Variants in HORMAD1 observed in about 807,000 individuals in gnomAD.
HORMAD1 encodes HORMA domain-containing protein 1.
Under a neutral mutation model 58.2 loss-of-function variants are expected in HORMAD1, and 33 were observed. That is an observed-to-expected ratio of 0.57 (90% CI 0.43 to 0.76). The LOEUF (loss-of-function observed/expected upper bound fraction) is 0.76. Among genes scored for constraint, HORMAD1 ranks in the 30% least tolerant of loss-of-function variants. The pLI is 0.00. For missense variants in HORMAD1, 363 were observed against 462.0 expected (o/e 0.79, Z 1.96); for synonymous variants, 137 against 144.6 (o/e 0.95, Z 0.38).
In HORMAD1 at chr1:150,711,545, C is replaced by T. The variant is rs1185862098; in HGVS notation, c.327G>A (p.Gln109=). ...TCTTTAGTAACTCAAGCACACTTAC[C>T]TGAGGATCTTCTGGGTTTGTGTATA... ...LAVYTNPEDP[Q]TISECYQFKF... is the part of the protein sequence containing the mutation. The change falls in exon 7 of 15, where the codon CAG becomes CAA. Residue 109 remains glutamine (Q), a splice_region_variant and synonymous_variant. Coordinates refer to ENST00000361824, the MANE Select transcript of HORMAD1 (RefSeq NM_032132.5). 1.3e-6 allele frequency: 2 copies of T among 1,599,102 alleles called. No individual in the cohort carries two copies. The highest frequency in any genetic ancestry group is 2.2e-5 in the East Asian group (1 of 44,672).
intron 14 of HORMAD1, among the ~76,000 whole-genome samples, chr1:150,699,548 C>T (rs1032058000): frequency 4.0e-5 from 6 of 150,424 alleles, no homozygotes; most frequent in Admixed American, 2.6e-4. Flanking sequence ...TTTTTAAAGA[C>T]GGAGTCTTGG....
intron 1 of HORMAD1, 32 bp from the exon 2 acceptor site, chr1:150,719,570 G>T: frequency 8.6e-7 from 1 of 1,159,366 alleles, no homozygotes; most frequent in Non-Finnish European, 1.2e-6. Flanking sequence ...TTAACTTAGA[G>T]CTCATTTTTT....
chr1:150,700,297 G>T, intron 13 of HORMAD1, 114 bp from the exon 14 acceptor site: 1 of 618,590 alleles, frequency 1.6e-6, no homozygotes, highest in South Asian at 1.9e-5. Context: ...TACTTTTTAG[G>T]GACAGGGTCT....
At chr1:150,704,593 T>A (rs2101851207) in intron 10 of HORMAD1, among the ~76,000 whole-genome samples, 1 of 152,162 alleles carries the variant, frequency 6.6e-6, no homozygotes, top group African/African-American at 2.4e-5. Flanking sequence ...GAAAAAATTT[T>A]AAAAATTAGC....
chr1:150,706,469 T>C (rs748201379), intron 10 of HORMAD1, 84 bp downstream of exon 10: 24 of 1,125,692 alleles, frequency 2.1e-5, no homozygotes, highest in Admixed American at 1.8e-4. Flanking sequence ...TTTACACAAA[T>C]GTTAATGGGA....
At chr1:150,709,880 T>A (rs1201304886) in intron 7 of HORMAD1, among the ~76,000 whole-genome samples, 2 of 152,248 alleles carry the variant, frequency 1.3e-5, no homozygotes, top group Admixed American at 6.5e-5. Flanking sequence ...GAAACAAATC[T>A]GGCTTACGTG....
Position 150,708,976 on chromosome 1 carries a change from A to T in HORMAD1, c.328-15T>A, listed in dbSNP as rs1263168312. 8.0e-7 allele frequency: 1 copy of T among 1,254,692 alleles called. No individual in the cohort carries two copies. Among genetic ancestry groups the T allele is most frequent in the East Asian group, 2.3e-5 (1 of 43,118 alleles). The allele number at this position is 1,254,692 out of a possible 1,614,324, so 77.7% of individuals were successfully genotyped here. A position where few individuals can be genotyped will look rare whatever the true frequency, so the allele number is the denominator to read the frequency against. ...TCTGAAATTGTCTTAAATAGAAAAT[A>T]TCGCAGTTATGCTTCTGATATTCAG... On this transcript the variant is annotated splice_polypyrimidine_tract_variant and intron_variant, in intron 7 of 14. Transcript: ENST00000361824.
chr1:150,714,755 C>A, intron 3 of HORMAD1, 77 bp from the exon 4 acceptor site: 1 of 632,990 alleles, frequency 1.6e-6, no homozygotes, highest in African/African-American at 1.9e-5. Flanking sequence ...AGTTTATTTT[C>A]TTCTGCTGTG....
chr1:150,718,593 T>C (rs192457082), intron 2 of HORMAD1, among the ~76,000 whole-genome samples: 2 of 152,266 alleles, frequency 1.3e-5, no homozygotes, highest in East Asian at 1.9e-4. Context: ...TATACAAATA[T>C]AGCAAATGCA....
At chr1:150,701,139 CAT>C (rs889060644) in intron 13 of HORMAD1, among the ~76,000 whole-genome samples, 9 of 152,254 alleles carry the variant, frequency 5.9e-5, no homozygotes, top group East Asian at 5.8e-4. Context: ...TATCCAAAAA[CAT>C]GTGCAATTTC....
In HORMAD1 at chr1:150,698,134, A is replaced by G. The variant is rs1206739243; in HGVS notation, c.*520T>C. 6.6e-6 allele frequency: 1 copy of G among 152,250 alleles called. No homozygotes were observed. The highest frequency in any genetic ancestry group is 1.5e-5 in the Non-Finnish European group (1 of 68,052). 9.4% of individuals were successfully genotyped at this position (152,250 alleles called of 1,614,324 possible). Reference sequence around the variant, plus strand: ...AAAATCAGTCTTTTTGTCCTGTAAAAAAAAGCATAGTAAAGGTAAAGCACC... The same window carrying G: ...AAAATCAGTCTTTTTGTCCTGTAAAGAAAAGCATAGTAAAGGTAAAGCACC... On this transcript the variant is annotated 3_prime_UTR_variant, in exon 15 of 15. Transcript: ENST00000361824.
chr1:150,713,859 G>T, intron 5 of HORMAD1: 1 of 508,164 alleles, frequency 2.0e-6, no homozygotes, highest in Non-Finnish European at 3.5e-6. Flanking sequence ...ATACAAATAA[G>T]TGTTAAAAAA....
At chr1:150,713,934 T>C (rs1239074917) in intron 5 of HORMAD1, 151 bp downstream of exon 5, 1 of 630,482 alleles carries the variant, frequency 1.6e-6, no homozygotes, top group Non-Finnish European at 2.8e-6. Flanking sequence ...TGATTAGTCT[T>C]TAAAATATTC....
chr1:150,700,046 A>C, intron 14 of HORMAD1, 66 bp downstream of exon 14: 1 of 704,886 alleles, frequency 1.4e-6, no homozygotes, highest in Non-Finnish European at 2.5e-6. Context: ...TTTTAAATTT[A>C]ATCTGTAGTA....
At chr1:150,709,345 T>G (rs1651789730) in intron 7 of HORMAD1, among the ~76,000 whole-genome samples, 1 of 152,216 alleles carries the variant, frequency 6.6e-6, no homozygotes, top group Non-Finnish European at 1.5e-5. Context: ...CCAACCACTT[T>G]GATCCAATCT....
rs1651434153 is a variant in HORMAD1, at chr1:150,698,398, T to C, written c.*256A>G. On this transcript the variant is annotated 3_prime_UTR_variant, in exon 15 of 15. Coordinates refer to ENST00000361824, the MANE Select transcript of HORMAD1 (RefSeq NM_032132.5). ...TTTAAAGGAAATATTAAGTAGGTAA[T>C]GAACAAAATCAATTTTGAAATTTTA... The C allele has an allele frequency of 7.9e-6, 2 of 254,292 alleles. No individual in the cohort carries two copies. Among genetic ancestry groups the C allele is most frequent in the South Asian group, 1.3e-4 (1 of 7,908 alleles). 15.8% of individuals were successfully genotyped at this position (254,292 alleles called of 1,614,324 possible).
At position 150,711,807 on chromosome 1, in the gene HORMAD1, AG is replaced by A. The variant is rs587662069; in HGVS notation, c.300+25del. ...GGCCAAATTTGGCAGTATTAAAAAA[AG>A]AACACACAATTTAAAAATACTTACA... On this transcript the variant is annotated intron_variant, in intron 6 of 14. Coordinates refer to ENST00000361824, the MANE Select transcript of HORMAD1 (RefSeq NM_032132.5). 1.6e-4 allele frequency: 253 copies of A among 1,538,292 alleles called. 3 individuals are homozygous for A. The South Asian group carries it at 2.8e-3, about 17-fold the overall frequency.
At chr1:150,700,768 A>C (rs1052633601) in intron 13 of HORMAD1, among the ~76,000 whole-genome samples, 9 of 152,150 alleles carry the variant, frequency 5.9e-5, no homozygotes, top group Non-Finnish European at 1.3e-4. Flanking sequence ...TTCAAGGTTC[A>C]TCTAAGTTGT....
intron 10 of HORMAD1, among the ~76,000 whole-genome samples, chr1:150,704,832 C>T (rs1051359714): frequency 6.6e-6 from 1 of 152,084 alleles, no homozygotes; most frequent in African/African-American, 2.4e-5. Flanking sequence ...CACTTGGGGT[C>T]AGGAGTTGGA....
Sources: allele counts gnomAD v4.1 joint callset (sites outside exome capture counted in the v4.1 genomes callset), GRCh38; gene constraint gnomAD v4.1.1; transcripts MANE v1.5; gene names NCBI Gene and HGNC (gene_info 2026-07-23, HGNC 2026-07-21).